Variants in FRAS1 observed in about 807,000 individuals in gnomAD.
The protein encoded by FRAS1 is extracellular matrix organizing protein FRAS1.
A neutral mutation model predicts 435.2 loss-of-function variants in FRAS1; 290 were observed. The observed-to-expected ratio is 0.67, with a 90% CI of 0.61 to 0.73. The LOEUF (loss-of-function observed/expected upper bound fraction) is 0.73, where lower values mean the gene tolerates loss of function less well. FRAS1 is among the 30% of genes least tolerant of loss of function. The pLI, the probability that FRAS1 is intolerant of heterozygous loss-of-function variation, is 0.00. For synonymous variants in FRAS1, 1,800 were observed against 1,851.0 expected (o/e 0.97, Z 0.71); for missense variants, 4,860 against 5,001.5 (o/e 0.97, Z 0.85).
intron 56 of FRAS1, among the ~76,000 whole-genome samples, chr4:78,481,145 A>T (rs1322574393): frequency 6.6e-6 from 1 of 151,642 alleles, no homozygotes; most frequent in African/African-American, 2.4e-5. Context: ...TGAAAATTGT[A>T]GGGTTTTCAT....
At position 78,057,793 on chromosome 4, in the gene FRAS1, G is replaced by A. The variant is rs888058714; in HGVS notation, c.-217G>A. 2 of 559,924 alleles carry A rather than the reference G, an allele frequency of 3.6e-6. No homozygotes were observed. The highest frequency in any genetic ancestry group is 6.3e-6 in the Non-Finnish European group (2 of 315,318). The allele number at this position is 559,924 out of a possible 1,614,324, so 34.7% of individuals were successfully genotyped here. A position where few individuals can be genotyped will look rare whatever the true frequency, so the allele number is the denominator to read the frequency against. ...TGCGGGGGAACTCGGCGCGCTCTCTGCCTGAGCAGCGAGTGAATTGAACCC... is the reference window on the plus strand; with the variant it reads ...TGCGGGGGAACTCGGCGCGCTCTCTACCTGAGCAGCGAGTGAATTGAACCC... On this transcript the variant is annotated 5_prime_UTR_variant, in exon 1 of 74. Transcript: ENST00000512123. The surrounding 1 kb of genome is among the most constrained non-coding windows in gnomAD (Gnocchi z 4.2).
At chr4:78,412,393 A>G (rs536382675) in intron 31 of FRAS1, among the ~76,000 whole-genome samples, 3 of 152,252 alleles carry the variant, frequency 2.0e-5, no homozygotes, top group Non-Finnish European at 4.4e-5. Context: ...TTTTTGCAGC[A>G]GGAAAAAGTT....
At chr4:78,304,034 A>G (rs1393655661) in intron 14 of FRAS1, among the ~76,000 whole-genome samples, 2 of 151,748 alleles carry the variant, frequency 1.3e-5, no homozygotes, top group Admixed American at 6.6e-5. Context: ...TGTCCCATCA[A>G]TACCTAATTT....
At chr4:78,344,743 T>C (rs760307648) in intron 20 of FRAS1, among the ~76,000 whole-genome samples, 1 of 152,208 alleles carries the variant, frequency 6.6e-6, no homozygotes, top group African/African-American at 2.4e-5. Flanking sequence ...CTAAGGAAGC[T>C]GATTTAGACT....
At position 78,475,744 on chromosome 4, in the gene FRAS1, G is replaced by A. The variant is rs1002534636; in HGVS notation, c.7851+138G>A. 3 of 751,554 alleles carry A rather than the reference G, an allele frequency of 4.0e-6. No individual in the cohort carries two copies. The African/African-American group carries it at 5.2e-5, about 13-fold the overall frequency. 46.6% of individuals were successfully genotyped at this position (751,554 alleles called of 1,614,324 possible). ...TTCAAGTATTAAATAGTTTTCCTAT[G>A]TTCCCCTCCCATAGTACTTTGTTCT... is the stretch of plus-strand genomic sequence containing the variant. On this transcript the variant is annotated intron_variant, in intron 54 of 73. Transcript: ENST00000512123.
intron 16 of FRAS1, 101 bp downstream of exon 16, chr4:78,315,835 T>C (rs1377746823): frequency 1.6e-6 from 2 of 1,247,572 alleles, no homozygotes; most frequent in African/African-American, 3.3e-5. Context: ...GAGTGTATGA[T>C]GGGAAAGCAT....
At chr4:78,361,300 C>G (rs556321367) in intron 20 of FRAS1, among the ~76,000 whole-genome samples, 1 of 152,222 alleles carries the variant, frequency 6.6e-6, no homozygotes, top group Non-Finnish European at 1.5e-5. Flanking sequence ...GGAAAGTAGT[C>G]TCCTTCTCAT....
intron 61 of FRAS1, among the ~76,000 whole-genome samples, chr4:78,504,685 A>G (rs1040114735): frequency 6.6e-6 from 1 of 152,190 alleles, no homozygotes; most frequent in Admixed American, 6.5e-5. Context: ...CCAATTTGCC[A>G]GTCTATGTCT....
At chr4:78,531,284 A>C (rs1003875524) in intron 70 of FRAS1, among the ~76,000 whole-genome samples, 1 of 152,192 alleles carries the variant, frequency 6.6e-6, no homozygotes, top group Non-Finnish European at 1.5e-5. Context: ...GTCATCTGCA[A>C]ACAGAGGCAA....
chr4:78,272,360 G>C (rs1300133938), intron 9 of FRAS1, among the ~76,000 whole-genome samples: 1 of 152,084 alleles, frequency 6.6e-6, no homozygotes, highest in Non-Finnish European at 1.5e-5. Context: ...CATTGCTTTT[G>C]GTGTTTTAGA....
rs1219344385 is a variant in FRAS1, at chr4:78,537,060, C to T, written c.11158C>T (p.Gln3720Ter). 3.1e-6 allele frequency: 5 copies of T among 1,613,994 alleles called. No homozygotes were observed. The highest frequency in any genetic ancestry group is 4.2e-6 in the Non-Finnish European group (5 of 1,179,890). The stretch of plus-strand genomic sequence containing the variant: ...AAATCTTAATTCTGCTTACAAACTC[C>T]AGCTGGAGAAAGTCTATCTTTGTAC... ...EQNLNSAYKLQLEKVYLCTGK... is the reference protein window; with the variant it reads ...EQNLNSAYKL Residue 3720 changes from glutamine (Q) to a stop codon, truncating the protein, a stop_gained, in exon 72 of 74, where the codon CAG becomes TAG. Coordinates refer to ENST00000512123, the MANE Select transcript of FRAS1 (RefSeq NM_025074.7). LOFTEE classifies it high-confidence loss of function.
chr4:78,115,803 G>A (rs1341472663), intron 2 of FRAS1, among the ~76,000 whole-genome samples: 1 of 151,748 alleles, frequency 6.6e-6, no homozygotes, highest in Admixed American at 6.6e-5. Flanking sequence ...TTGATTTTTT[G>A]AAGTTTTTTT....
Position 78,369,952 on chromosome 4 carries a change from A to G in FRAS1, c.2837A>G (p.Tyr946Cys), listed in dbSNP as rs1178232679. The change falls in exon 23 of 74, where the codon TAC becomes TGC. Residue 946 changes from tyrosine (Y) to cysteine (C), a missense_variant. Physicochemically the swap from Tyr to Cys is radical, Grantham distance 194. Transcript: ENST00000512123. ...ECQYESCAPQ[Y>C]YLDFSTNTCK... ...CAATACGAGAGCTGCGCCCCACAGTACTATCTTGACTTCTCCACCAACACG... is the reference window on the plus strand; with the variant it reads ...CAATACGAGAGCTGCGCCCCACAGTGCTATCTTGACTTCTCCACCAACACG... 1.2e-6 allele frequency: 2 copies of G among 1,613,668 alleles called. No homozygotes were observed. Among genetic ancestry groups the G allele is most frequent in the Non-Finnish European group, 1.7e-6 (2 of 1,179,638 alleles).
intron 2 of FRAS1, among the ~76,000 whole-genome samples, chr4:78,101,075 T>G (rs1742103381): frequency 6.6e-6 from 1 of 152,060 alleles, no homozygotes; most frequent in Non-Finnish European, 1.5e-5. Context: ...CCATTTAACA[T>G]GTATACACAC....
Position 78,452,278 on chromosome 4 carries a change from C to T in FRAS1, c.6687C>T (p.Asp2229=), listed in dbSNP as rs769319109. The T allele has an allele frequency of 6.2e-7, 1 of 1,613,702 alleles. No homozygotes were observed. The change falls in exon 47 of 74, where the codon GAC becomes GAT. Residue 2229 remains aspartate, a synonymous_variant. Transcript: ENST00000512123. ...TGCAGCTGTCTGCCACTGACCAGGA[C>T]AGTGGGCCTACAGAATTGATCTACA... ...TTLQLSATDQ[D]SGPTELIYRI...
chr4:78,312,638 G>C (rs1457409277), intron 15 of FRAS1, among the ~76,000 whole-genome samples: 1 of 151,708 alleles, frequency 6.6e-6, no homozygotes, highest in Non-Finnish European at 1.5e-5. Flanking sequence ...ACCAGGCTGG[G>C]CAATATAGTG....
chr4:78,394,817 T>C (rs1039935541), intron 29 of FRAS1, among the ~76,000 whole-genome samples: 30 of 152,164 alleles, frequency 2.0e-4, no homozygotes, highest in East Asian at 1.7e-3. Context: ...TTAATAATAT[T>C]AATTCTTCCA....
chr4:78,276,109 G>C (rs1176698253), intron 9 of FRAS1, among the ~76,000 whole-genome samples: 3 of 152,138 alleles, frequency 2.0e-5, no homozygotes, highest in Non-Finnish European at 4.4e-5. Context: ...GATCAAATCA[G>C]CTACTGAAGC....
intron 1 of FRAS1, among the ~76,000 whole-genome samples, chr4:78,058,319 C>T (rs909173468): frequency 1.3e-5 from 2 of 152,080 alleles, no homozygotes; most frequent in South Asian, 4.2e-4. Context: ...TCCCTCTCTG[C>T]CCTAAGTGCT....
Sources: allele counts gnomAD v4.1 joint callset (sites outside exome capture counted in the v4.1 genomes callset), GRCh38; gene constraint gnomAD v4.1.1; non-coding constraint Gnocchi (gnomAD v3.1); transcripts MANE v1.5; gene names NCBI Gene and HGNC (gene_info 2026-07-23, HGNC 2026-07-21).